ANKRD55: variants seen among roughly 807,000 people sequenced by gnomAD.
ANKRD55 encodes the protein ankyrin repeat domain-containing protein 55.
A neutral mutation model predicts 60.6 loss-of-function variants in ANKRD55; 41 were observed. That is an observed-to-expected ratio of 0.68 (90% confidence interval 0.53 to 0.88). The LOEUF (loss-of-function observed/expected upper bound fraction) is 0.88, where lower values mean the gene tolerates loss of function less well. Ranked by LOEUF, ANKRD55 falls within the 40% of genes least tolerant of loss-of-function variation. ANKRD55 has a pLI of 0.00. For synonymous variants in ANKRD55, 264 were observed against 290.3 expected (o/e 0.91, Z 0.92); for missense variants, 732 against 767.6 (o/e 0.95, Z 0.55).
chr5:56,208,431 A>G (rs903425450), intron 2 of ANKRD55, among the ~76,000 whole-genome samples: 5 of 151,908 alleles, frequency 3.3e-5, no homozygotes, highest in East Asian at 3.9e-4. Flanking sequence ...TTATTTATTT[A>G]TTTATTTATT....
At chr5:56,185,430 G>A (rs1277056065) in intron 2 of ANKRD55, among the ~76,000 whole-genome samples, 1 of 152,166 alleles carries the variant, frequency 6.6e-6, no homozygotes, top group Non-Finnish European at 1.5e-5. Flanking sequence ...ACTTTGGGAG[G>A]CTGAGGTGGG....
At chr5:56,173,283 C>T (rs1408758707) in intron 4 of ANKRD55, among the ~76,000 whole-genome samples, 2 of 152,062 alleles carry the variant, frequency 1.3e-5, no homozygotes, top group South Asian at 4.2e-4. Flanking sequence ...CTGCAGCCTC[C>T]ACCTCCTGGG....
intron 2 of ANKRD55, among the ~76,000 whole-genome samples, chr5:56,207,606 T>G (rs536326736): frequency 3.9e-5 from 6 of 152,356 alleles, no homozygotes; most frequent in African/African-American, 1.4e-4. Context: ...GTTACTGTAC[T>G]GAATACTGTA....
intron 2 of ANKRD55, among the ~76,000 whole-genome samples, chr5:56,205,404 T>C (rs1759476813): frequency 1.3e-5 from 2 of 152,126 alleles, no homozygotes; most frequent in African/African-American, 4.8e-5. Flanking sequence ...CTAGTTCTGG[T>C]GGGTAGAAGT....
chr5:56,137,876 T>C (rs938906104), intron 7 of ANKRD55, among the ~76,000 whole-genome samples: 1 of 152,120 alleles, frequency 6.6e-6, no homozygotes, highest in Non-Finnish European at 1.5e-5. Context: ...TCTTTATAGA[T>C]AGCTCACAAA....
intron 4 of ANKRD55, among the ~76,000 whole-genome samples, chr5:56,174,286 A>T (rs1291369349): frequency 6.6e-6 from 1 of 152,178 alleles, no homozygotes; most frequent in African/African-American, 2.4e-5. Context: ...CTAGTCAAAG[A>T]AATGTAAAAT....
At chr5:56,145,657 A>C (rs2111764047) in intron 6 of ANKRD55, among the ~76,000 whole-genome samples, 1 of 152,322 alleles carries the variant, frequency 6.6e-6, no homozygotes, top group South Asian at 2.1e-4. Flanking sequence ...TGAGCTCTAG[A>C]GAAATTCCTG....
At chr5:56,231,495 G>A (rs1464750855) in intron 2 of ANKRD55, among the ~76,000 whole-genome samples, 1 of 152,146 alleles carries the variant, frequency 6.6e-6, no homozygotes, top group Non-Finnish European at 1.5e-5. Context: ...GCCAGTGTGA[G>A]CTCTTTGGTT....
intron 7 of ANKRD55, among the ~76,000 whole-genome samples, chr5:56,140,555 A>G (rs1757734236): frequency 6.6e-6 from 1 of 152,240 alleles, no homozygotes; most frequent in Non-Finnish European, 1.5e-5. Context: ...TTTGCCTCCA[A>G]TGCAAGACAC....
intron 8 of ANKRD55, chr5:56,117,032 G>A: frequency 2.7e-6 from 1 of 372,016 alleles, no homozygotes. Context: ...TCCTAGAAGA[G>A]GAAGTAGTGG....
intron 6 of ANKRD55, chr5:56,146,690 C>A (rs1306990682): frequency 6.6e-6 from 1 of 152,232 alleles, no homozygotes; most frequent in Non-Finnish European, 1.5e-5. Context: ...ATCATTGTTA[C>A]CAACTCATTA....
intron 2 of ANKRD55, chr5:56,192,675 A>G: frequency 1.6e-6 from 2 of 1,226,876 alleles, no homozygotes; most frequent in Non-Finnish European, 2.4e-6. Flanking sequence ...AATGTTCTTC[A>G]TAATGATCCT....
intron 5 of ANKRD55, among the ~76,000 whole-genome samples, chr5:56,162,581 T>G (rs542033126): frequency 1.3e-5 from 2 of 151,882 alleles, no homozygotes; most frequent in South Asian, 2.1e-4. Flanking sequence ...GTCTAGAAAG[T>G]GATAACATTT....
At chr5:56,112,480 A>C (rs1192981849) in intron 9 of ANKRD55, among the ~76,000 whole-genome samples, 1 of 138,620 alleles carries the variant, frequency 7.2e-6, no homozygotes, top group African/African-American at 3.2e-5. Context: ...CAGCCTGGGC[A>C]ACATGGCAGG....
At chr5:56,135,256 T>C (rs941153696) in intron 7 of ANKRD55, among the ~76,000 whole-genome samples, 14 of 91,896 alleles carry the variant, frequency 1.5e-4, no homozygotes, top group Non-Finnish European at 2.7e-4. Context: ...CCTTCCTTCC[T>C]TCCTTCTTTC....
chr5:56,203,346 T>A (rs181770339), intron 2 of ANKRD55, among the ~76,000 whole-genome samples: 142 of 152,250 alleles, frequency 9.3e-4, no homozygotes, highest in African/African-American at 3.3e-3. Context: ...AAAATTTAAT[T>A]TAATTTTATT....
At position 56,183,534 on chromosome 5, in the gene ANKRD55, G is replaced by A. The variant is rs139785088; in HGVS notation, c.159C>T (p.Ile53=). ...CACCTTCACTGTCACAGCATTCTAG[G>A]ATAGAAGGGTCTTCCCGAATCACTG... ...LTAVIREDPS[I]LECCDSEGCT... The change falls in exon 3 of 12, where the codon ATC becomes ATT. Residue 53 remains isoleucine, a synonymous_variant. Transcript: ENST00000341048. 373 of 1,614,120 alleles carry A rather than the reference G, an allele frequency of 2.3e-4. No homozygotes were observed. The African/African-American group carries it at 3.9e-3, about 17-fold the overall frequency.
chr5:56,200,418 T>C (rs1218934601), intron 2 of ANKRD55, among the ~76,000 whole-genome samples: 3 of 152,208 alleles, frequency 2.0e-5, no homozygotes, highest in Non-Finnish European at 4.4e-5. Flanking sequence ...TCATTTTTCA[T>C]GGTCAAAAAA....
intron 2 of ANKRD55, among the ~76,000 whole-genome samples, chr5:56,218,511 G>A (rs73118058): frequency 0.014 from 2,084 of 152,240 alleles, 51 homozygotes; most frequent in African/African-American, 0.047. Context: ...TCAGATGATC[G>A]TTAGCTTTTC....
Sources: gnomAD v4.1 joint callset for allele counts (sites outside exome capture counted in the v4.1 genomes callset) on GRCh38, gnomAD v4.1.1 for gene constraint, MANE v1.5 for transcripts, NCBI Gene and HGNC (gene_info 2026-07-23, HGNC 2026-07-21) for gene names.